The following ZFYVE28 variants were observed in gnomAD, a reference collection of about 807,000 sequenced individuals.
ZFYVE28 encodes zinc finger FYVE-type containing 28.
A neutral mutation model predicts 82.1 loss-of-function variants in ZFYVE28; 40 were observed. The ratio of observed to expected loss-of-function variants is 0.49; its 90% CI spans 0.38 to 0.63. The LOEUF is 0.63. Among genes scored for constraint, ZFYVE28 ranks in the 30% least tolerant of loss-of-function variants. The pLI, the probability that ZFYVE28 is intolerant of heterozygous loss-of-function variation, is 0.00. For synonymous variants in ZFYVE28, 612 were observed against 546.1 expected, an observed-to-expected ratio of 1.12 and a Z score of -1.68; for missense variants, 1,321 against 1,242.1, an observed-to-expected ratio of 1.06 and a Z score of -0.96.
rs934709983 is a variant in ZFYVE28 at position 2,418,387 on chromosome 4, C to G, written c.-64G>C. 8.3e-7 allele frequency: 1 copy of G among 1,200,460 alleles called. No individual in the cohort carries two copies. Among genetic ancestry groups the G allele is most frequent in the African/African-American group, 1.6e-5 (1 of 61,736 alleles). The allele number at this position is 1,200,460 out of a possible 1,614,324, so 74.4% of individuals were successfully genotyped here. A position where few individuals can be genotyped will look rare whatever the true frequency, so the allele number is the denominator to read the frequency against. ...CCCTCCGCAGCGCTGCGCCCGGGCC[C>G]GGCTGAGGCGCGGGGCGGACGCGGA... is the stretch of plus-strand genomic sequence containing the variant. On this transcript the variant is annotated 5_prime_UTR_variant, in exon 1 of 13. Coordinates refer to ENST00000290974, the MANE Select transcript of ZFYVE28 (RefSeq NM_020972.3). This position sits in a 1 kb window ranked among gnomAD's most constrained non-coding sequence, Gnocchi z 4.6.
intron 1 of ZFYVE28, among the ~76,000 whole-genome samples, chr4:2,391,445 G>A (rs60455040): frequency 0.19 from 26,760 of 141,358 alleles, 2,921 homozygotes; most frequent in African/African-American, 0.32. Context: ...GCACTTAGGA[G>A]GTCAATTATC....
chr4:2,277,951 A>C (rs1363260067), intron 8 of ZFYVE28, among the ~76,000 whole-genome samples: 1 of 152,242 alleles, frequency 6.6e-6, no homozygotes, highest in Non-Finnish European at 1.5e-5. Context: ...AGCAGGAATC[A>C]AGACTGTGCA....
chr4:2,277,080 G>A (rs951521057), intron 8 of ZFYVE28, among the ~76,000 whole-genome samples: 2 of 152,204 alleles, frequency 1.3e-5, no homozygotes, highest in Non-Finnish European at 2.9e-5. Flanking sequence ...TTGGCGTGGC[G>A]CCCGACACAG....
intron 1 of ZFYVE28, among the ~76,000 whole-genome samples, chr4:2,375,504 G>T (rs1404957053): frequency 1.3e-5 from 2 of 152,230 alleles, no homozygotes; most frequent in African/African-American, 4.8e-5. Context: ...CCAGCCAGGT[G>T]CTGGCTCATG....
rs1181199571 is a variant in ZFYVE28, at chr4:2,416,631, A to G, written c.39+1654T>C. 6.6e-6 allele frequency among the ~76,000 whole-genome samples: 1 copy of G among 152,206 alleles called. No homozygotes were observed. Among genetic ancestry groups the G allele is most frequent in the African/African-American group, 2.4e-5 (1 of 41,456 alleles). On this transcript the variant is annotated intron_variant, in intron 1 of 12. Coordinates refer to ENST00000290974, the MANE Select transcript of ZFYVE28 (RefSeq NM_020972.3). This position sits in a 1 kb window ranked among gnomAD's most constrained non-coding sequence, Gnocchi z 4.6. ...GCAGAGGCACATGGGGGCAGCAGGC[A>G]GGACCGAGAGGGGCTCGAAGGCGCC...
intron 1 of ZFYVE28, chr4:2,364,887 C>G (rs1726666762): frequency 1.0e-5 from 10 of 985,440 alleles, no homozygotes; most frequent in Non-Finnish European, 1.2e-5. Context: ...TACCGTGGAC[C>G]CCGGAAGAGG....
intron 5 of ZFYVE28, among the ~76,000 whole-genome samples, chr4:2,337,151 CCTT>C (rs1184494857): frequency 6.6e-6 from 1 of 152,124 alleles, no homozygotes; most frequent in Non-Finnish European, 1.5e-5. Flanking sequence ...CAGGATCTGA[CCTT>C]CTGGCAGACA....
At chr4:2,349,151 T>G (rs1405049452) in intron 2 of ZFYVE28, among the ~76,000 whole-genome samples, 1 of 152,174 alleles carries the variant, frequency 6.6e-6, no homozygotes, top group Non-Finnish European at 1.5e-5. Context: ...GTGAGAAGGC[T>G]GAATGTATAT....
Position 2,339,388 on chromosome 4 carries a change from C to A in ZFYVE28, c.521+65G>T. The A allele has an allele frequency of 6.5e-7, 1 of 1,543,896 alleles. No homozygotes were observed. Among genetic ancestry groups the A allele is most frequent in the Non-Finnish European group, 8.8e-7 (1 of 1,137,986 alleles). ...CCAGCTTGAAGTATCAGGGTGAGCCCCGGAAGCTGGCACAACCGTCCCCCA... is the reference window on the plus strand; with the variant it reads ...CCAGCTTGAAGTATCAGGGTGAGCCACGGAAGCTGGCACAACCGTCCCCCA... On this transcript the variant is annotated intron_variant, in intron 4 of 12. Coordinates refer to ENST00000290974, the MANE Select transcript of ZFYVE28 (RefSeq NM_020972.3). The surrounding 1 kb of genome is among the most constrained non-coding windows in gnomAD (Gnocchi z 5.0).
intron 8 of ZFYVE28, among the ~76,000 whole-genome samples, chr4:2,294,021 C>A (rs955846753): frequency 1.3e-5 from 2 of 150,426 alleles, no homozygotes; most frequent in East Asian, 2.0e-4. Flanking sequence ...GATGCTAATT[C>A]TTTCCAAATT....
At chr4:2,387,682 G>T (rs1022990797) in intron 1 of ZFYVE28, among the ~76,000 whole-genome samples, 1 of 152,164 alleles carries the variant, frequency 6.6e-6, no homozygotes, top group Non-Finnish European at 1.5e-5. Context: ...TGGAATACTG[G>T]TTGAACAAGC....
chr4:2,384,574 C>A (rs980023764), intron 1 of ZFYVE28, among the ~76,000 whole-genome samples: 1 of 152,062 alleles, frequency 6.6e-6, no homozygotes, highest in Non-Finnish European at 1.5e-5. Flanking sequence ...GGAATCTCCT[C>A]CTGAGGGAGT....
rs534602959 is a variant in ZFYVE28 at position 2,400,239 on chromosome 4, T to C, written c.39+18046A>G. On this transcript the variant is annotated intron_variant, in intron 1 of 12. Transcript: ENST00000290974. ...TCTTGGGGTTACCCACTTTTATACA[T>C]AGCTGGTCTGGTCCGTCGCAGAATG... Among the ~76,000 whole-genome samples the C allele has an allele frequency of 3.5e-4, 54 of 152,352 alleles. 1 individual carries two copies. The highest frequency in any genetic ancestry group is 1.2e-3 in the African/African-American group (49 of 41,572).
At chr4:2,296,394 C>T (rs1272013474) in intron 8 of ZFYVE28, among the ~76,000 whole-genome samples, 1 of 152,232 alleles carries the variant, frequency 6.6e-6, no homozygotes, top group Non-Finnish European at 1.5e-5. Flanking sequence ...CGGACCAGCC[C>T]TGGTCTTATC....
At chr4:2,292,901 C>T (rs1176133807) in intron 8 of ZFYVE28, among the ~76,000 whole-genome samples, 1 of 152,176 alleles carries the variant, frequency 6.6e-6, no homozygotes, top group Admixed American at 6.5e-5. Flanking sequence ...TGAAGTTCAG[C>T]AAATCAAAGC....
At chr4:2,292,291 TC>T (rs1713843344) in intron 8 of ZFYVE28, among the ~76,000 whole-genome samples, 1 of 152,072 alleles carries the variant, frequency 6.6e-6, no homozygotes, top group Non-Finnish European at 1.5e-5. Context: ...CTGGCAAAGC[TC>T]CCTACATCTT....
chr4:2,378,526 C>T (rs144623666), intron 1 of ZFYVE28, among the ~76,000 whole-genome samples: 6 of 152,232 alleles, frequency 3.9e-5, no homozygotes, highest in Non-Finnish European at 5.9e-5. Flanking sequence ...TTCCATCATT[C>T]TTTCCTCTCC....
intron 1 of ZFYVE28, among the ~76,000 whole-genome samples, chr4:2,398,013 G>A (rs1316091495): frequency 2.0e-5 from 3 of 147,560 alleles, no homozygotes; most frequent in South Asian, 2.2e-4. Flanking sequence ...TGGAGGGGGC[G>A]GGGTGGGGGC....
chr4:2,382,738 T>G (rs758384823), intron 1 of ZFYVE28, among the ~76,000 whole-genome samples: 2 of 152,154 alleles, frequency 1.3e-5, no homozygotes, highest in Non-Finnish European at 2.9e-5. Flanking sequence ...GAGTTAAGAT[T>G]TTGGGGGACT....
Sources: gnomAD v4.1 joint callset for allele counts (sites outside exome capture counted in the v4.1 genomes callset) on GRCh38, gnomAD v4.1.1 for gene constraint, Gnocchi (gnomAD v3.1) non-coding constraint, MANE v1.5 for transcripts, NCBI Gene and HGNC (gene_info 2026-07-23, HGNC 2026-07-21) for gene names.